The following COL11A1 variants were observed in gnomAD, a reference collection of about 807,000 sequenced individuals.
COL11A1 encodes collagen alpha-1(XI) chain.
COL11A1 carries 74 observed loss-of-function variants against 265.2 expected under a neutral mutation model. The observed-to-expected ratio is 0.28, with a 90% CI of 0.23 to 0.34. The LOEUF is 0.34. Among genes scored for constraint, COL11A1 ranks in the 10% least tolerant of loss-of-function variants. The probability of loss-of-function intolerance (pLI) is 1.00; values close to 1 mark genes in which losing one functional copy is unlikely to be tolerated. For synonymous variants in COL11A1, 816 were observed against 727.6 expected (o/e 1.12, Z -1.96); for missense variants, 2,165 against 2,263.6 (o/e 0.96, Z 0.88).
chr1:102,968,911 T>C (rs1192975976), intron 37 of COL11A1, among the ~76,000 whole-genome samples: 1 of 152,200 alleles, frequency 6.6e-6, no homozygotes, highest in Admixed American at 6.5e-5. Context: ...ACAGTAATTC[T>C]CTGGGTATCC....
intron 65 of COL11A1, 187 bp from the exon 66 acceptor site, chr1:102,880,103 T>G: frequency 3.4e-6 from 2 of 585,210 alleles, no homozygotes; most frequent in South Asian, 4.1e-5. Flanking sequence ...ATTTTATGAA[T>G]TGTATCCCAC....
intron 26 of COL11A1, among the ~76,000 whole-genome samples, chr1:102,996,584 G>A (rs1363009335): frequency 6.6e-6 from 1 of 151,478 alleles, no homozygotes; most frequent in African/African-American, 2.4e-5. Context: ...TTTTAATGCT[G>A]TTTTAAAATA....
rs1650279702 is a variant in COL11A1, at chr1:102,881,829, A to G, written c.4972-64T>C. ...AATTTACAATATAAACAGTATTTTT[A>G]TATACATATAATTCATTTTCAGTAA... is the stretch of plus-strand genomic sequence containing the variant. On this transcript the variant is annotated intron_variant, in intron 64 of 66. Coordinates refer to ENST00000370096, the MANE Select transcript of COL11A1 (RefSeq NM_001854.4). 13 of 1,150,736 alleles carry G rather than the reference A, an allele frequency of 1.1e-5. No individual in the cohort carries two copies. In the South Asian group the frequency reaches 1.7e-4, roughly 15 times the overall value. 71.3% of individuals were successfully genotyped at this position (1,150,736 alleles called of 1,614,324 possible). A position where few individuals can be genotyped will look rare whatever the true frequency, so the allele number is the denominator to read the frequency against.
At chr1:102,943,479 ACAC>A (rs1557853660) in intron 42 of COL11A1, among the ~76,000 whole-genome samples, 2,822 of 105,500 alleles carry the variant, frequency 0.027, 74 homozygotes, top group African/African-American at 0.073. Flanking sequence ...ACACACACAC[ACAC>A]ACAAACAACC....
At chr1:102,922,769 A>C (rs1051202800) in intron 47 of COL11A1, among the ~76,000 whole-genome samples, 7 of 152,208 alleles carry the variant, frequency 4.6e-5, no homozygotes, top group Non-Finnish European at 1.0e-4. Context: ...AAAGAATATA[A>C]TAGATTTGAG....
rs367844982 is a variant in COL11A1 at position 102,962,302 on chromosome 1, T to A, written c.3025-37A>T. The A allele has an allele frequency of 4.8e-5, 70 of 1,472,272 alleles. No homozygotes were observed. In the African/African-American group the frequency reaches 9.3e-4, roughly 20 times the overall value. 91.2% of individuals were successfully genotyped at this position (1,472,272 alleles called of 1,614,324 possible). A position where few individuals can be genotyped will look rare whatever the true frequency, so the allele number is the denominator to read the frequency against. On this transcript the variant is annotated intron_variant, in intron 39 of 66. Transcript: ENST00000370096. The stretch of plus-strand genomic sequence containing the variant: ...AATAAACATCGTCAAGACAGATTAA[T>A]TTCTACACATCTTTCTACAAACAAA...
At chr1:103,071,265 G>A (rs954977954) in intron 4 of COL11A1, among the ~76,000 whole-genome samples, 1 of 151,822 alleles carries the variant, frequency 6.6e-6, no homozygotes, top group Admixed American at 6.6e-5. Context: ...TTAGGAAACA[G>A]AAATAATGAT....
intron 4 of COL11A1, among the ~76,000 whole-genome samples, chr1:103,038,242 C>G (rs1167312530): frequency 6.6e-6 from 1 of 152,108 alleles, no homozygotes; most frequent in African/African-American, 2.4e-5. Context: ...GTGGGTGGAT[C>G]ACCTGAGGTC....
chr1:103,045,449 T>C (rs955044764), intron 4 of COL11A1, among the ~76,000 whole-genome samples: 1 of 152,118 alleles, frequency 6.6e-6, no homozygotes, highest in Non-Finnish European at 1.5e-5. Flanking sequence ...CTGATAGTTA[T>C]AATAATAGAC....
intron 1 of COL11A1, among the ~76,000 whole-genome samples, chr1:103,091,358 T>C (rs1250352426): frequency 1.3e-5 from 2 of 151,998 alleles, no homozygotes; most frequent in Non-Finnish European, 2.9e-5. Context: ...GATACAGAAG[T>C]TCATATTTAA....
chr1:103,104,225 C>A (rs1300634310), intron 1 of COL11A1, among the ~76,000 whole-genome samples: 1 of 151,846 alleles, frequency 6.6e-6, no homozygotes, highest in African/African-American at 2.4e-5. Context: ...CATGAAATAG[C>A]CAGCATCTCA....
intron 63 of COL11A1, 107 bp from the exon 64 acceptor site, chr1:102,883,418 A>T: frequency 1.3e-6 from 1 of 761,576 alleles, no homozygotes; most frequent in Non-Finnish European, 2.3e-6. Context: ...ATACATATTA[A>T]TAGATCTTTT....
At chr1:103,019,500 A>T (rs1666824907) in intron 9 of COL11A1, among the ~76,000 whole-genome samples, 1 of 151,314 alleles carries the variant, frequency 6.6e-6, no homozygotes, top group Non-Finnish European at 1.5e-5. Flanking sequence ...TGAAAAAAAT[A>T]TTTTCAACAC....
rs1394057351 is a variant in COL11A1 at position 102,914,752 on chromosome 1, A to C, written c.3876T>G (p.Pro1292=). The part of the protein sequence containing the change: ...GEAGPPGAAG[P]PGAKGPPGDD... ...CACCTGGTGGCCCCTTGGCACCTGG[A>C]GGTCCAGCAGCTCCAGGTGGACCAG... is the stretch of plus-strand genomic sequence containing the variant. Residue 1292 remains proline, a synonymous_variant, in exon 51 of 67, where the codon CCT becomes CCG. Coordinates refer to ENST00000370096, the MANE Select transcript of COL11A1 (RefSeq NM_001854.4). 6.2e-7 allele frequency: 1 copy of C among 1,612,858 alleles called. No homozygotes were observed. Among genetic ancestry groups the C allele is most frequent in the South Asian group, 1.1e-5 (1 of 91,006 alleles).
At chr1:103,006,768 T>C (rs1665665781) in intron 15 of COL11A1, among the ~76,000 whole-genome samples, 1 of 152,070 alleles carries the variant, frequency 6.6e-6, no homozygotes, top group African/African-American at 2.4e-5. Flanking sequence ...GACCTTGTGA[T>C]CCACCCATCT....
intron 1 of COL11A1, among the ~76,000 whole-genome samples, chr1:103,089,941 T>G (rs1009945296): frequency 4.6e-5 from 7 of 152,090 alleles, no homozygotes; most frequent in African/African-American, 1.7e-4. Flanking sequence ...CTGGCCAACA[T>G]GGCGAAACCC....
At chr1:102,944,951 A>T (rs1437882473) in intron 42 of COL11A1, among the ~76,000 whole-genome samples, 1 of 152,168 alleles carries the variant, frequency 6.6e-6, no homozygotes, top group Non-Finnish European at 1.5e-5. Context: ...TTTTCTCAGC[A>T]TATTAAAAGT....
intron 54 of COL11A1, among the ~76,000 whole-genome samples, chr1:102,906,363 G>A (rs543362717): frequency 2.0e-5 from 3 of 152,246 alleles, no homozygotes; most frequent in Non-Finnish European, 2.9e-5. Context: ...TCAGTTTATA[G>A]GTTGCAAATA....
chr1:102,912,265 C>T lies in COL11A1; in HGVS notation c.4033-53G>A. ...CAAAATTGGATATTATTTTGTGGCC[C>T]ACATAAATTTTCAAAATCTGGATGG... On this transcript the variant is annotated intron_variant, in intron 53 of 66. Coordinates refer to ENST00000370096, the MANE Select transcript of COL11A1 (RefSeq NM_001854.4). The T allele has an allele frequency of 2.7e-6, 4 of 1,468,232 alleles. No homozygotes were observed. The South Asian group carries it at 3.8e-5, about 14-fold the overall frequency. 91.0% of individuals were successfully genotyped at this position (1,468,232 alleles called of 1,614,324 possible).
Sources: gnomAD v4.1 joint callset for allele counts (sites outside exome capture counted in the v4.1 genomes callset) on GRCh38, gnomAD v4.1.1 for gene constraint, MANE v1.5 for transcripts, NCBI Gene and HGNC (gene_info 2026-07-23, HGNC 2026-07-21) for gene names.